GRID2: variants seen among roughly 807,000 people sequenced by gnomAD.
The protein encoded by GRID2 is glutamate receptor ionotropic, delta-2.
GRID2 carries 33 observed loss-of-function variants against 114.8 expected under a neutral mutation model. That is an observed-to-expected ratio of 0.29 (90% CI 0.22 to 0.38). The LOEUF is 0.38. Ranked by LOEUF, GRID2 falls within the 10% of genes least tolerant of loss-of-function variation. The probability of loss-of-function intolerance (pLI) is 1.00; values close to 1 mark genes in which losing one functional copy is unlikely to be tolerated. For synonymous variants in GRID2, 505 were observed against 449.9 expected, an observed-to-expected ratio of 1.12 and a Z score of -1.55; for missense variants, 1,184 against 1,257.7, an observed-to-expected ratio of 0.94 and a Z score of 0.89.
At chr4:93,552,341 C>T (rs886725541) in intron 13 of GRID2, among the ~76,000 whole-genome samples, 2 of 152,260 alleles carry the variant, frequency 1.3e-5, no homozygotes, top group African/African-American at 4.8e-5. Flanking sequence ...AATAAACATA[C>T]ATGTGCCTGT....
chr4:92,933,366 A>G (rs1488231359), intron 2 of GRID2, among the ~76,000 whole-genome samples: 1 of 151,442 alleles, frequency 6.6e-6, no homozygotes, highest in Non-Finnish European at 1.5e-5. Context: ...GTTCCAATCC[A>G]TATTTCTTAT....
intron 13 of GRID2, among the ~76,000 whole-genome samples, chr4:93,578,802 T>C (rs1197535649): frequency 1.3e-5 from 2 of 151,918 alleles, no homozygotes; most frequent in Non-Finnish European, 2.9e-5. Context: ...ACCATGTTAG[T>C]CAGGTTGGTC....
At chr4:93,380,624 A>G (rs1323289329) in intron 8 of GRID2, among the ~76,000 whole-genome samples, 2 of 152,010 alleles carry the variant, frequency 1.3e-5, no homozygotes, top group African/African-American at 4.8e-5. Context: ...TTTAAGATAT[A>G]AAAGAAAGTC....
intron 2 of GRID2, among the ~76,000 whole-genome samples, chr4:92,989,071 A>G (rs1256263610): frequency 1.3e-5 from 2 of 151,972 alleles, no homozygotes; most frequent in Non-Finnish European, 2.9e-5. Context: ...AGGTCCGGAG[A>G]TGGAGACCAT....
intron 2 of GRID2, among the ~76,000 whole-genome samples, chr4:92,609,966 T>C (rs1166395733): frequency 6.6e-6 from 1 of 151,712 alleles, no homozygotes; most frequent in East Asian, 1.9e-4. Context: ...GTTACCATAA[T>C]TTAATAAACT....
intron 8 of GRID2, among the ~76,000 whole-genome samples, chr4:93,322,874 C>A (rs1001398860): frequency 6.6e-6 from 1 of 152,020 alleles, no homozygotes; most frequent in African/African-American, 2.4e-5. Context: ...ATATCTTTTG[C>A]CCACTTTTTA....
chr4:92,924,770 C>T (rs530186331), intron 2 of GRID2, among the ~76,000 whole-genome samples: 1 of 152,220 alleles, frequency 6.6e-6, no homozygotes, highest in South Asian at 2.1e-4. Flanking sequence ...CCTTGTTAGC[C>T]TTTCATTTAA....
chr4:92,810,917 G>C (rs888754815), intron 2 of GRID2, among the ~76,000 whole-genome samples: 8 of 152,044 alleles, frequency 5.3e-5, no homozygotes, highest in Admixed American at 1.3e-4. Context: ...TCAGCCTCCA[G>C]ATTATCTGGG....
chr4:93,448,226 A>ATTTT (rs1309429437), intron 10 of GRID2, among the ~76,000 whole-genome samples: 14 of 151,988 alleles, frequency 9.2e-5, no homozygotes, highest in African/African-American at 2.9e-4. Context: ...TTTTATTTAA[A>ATTTT]ATTTTCAAAA....
intron 12 of GRID2, among the ~76,000 whole-genome samples, chr4:93,502,142 G>A (rs1728175209): frequency 6.6e-6 from 1 of 152,104 alleles, no homozygotes; most frequent in Non-Finnish European, 1.5e-5. Flanking sequence ...CAAGACTGGA[G>A]TTGGCAGCCG....
At chr4:93,153,593 C>A (rs1284142746) in intron 4 of GRID2, among the ~76,000 whole-genome samples, 1 of 152,032 alleles carries the variant, frequency 6.6e-6, no homozygotes, top group Non-Finnish European at 1.5e-5. Flanking sequence ...GTCATATGCT[C>A]ATTCCAGGCC....
At chr4:92,578,360 C>T (rs1728008888) in intron 1 of GRID2, among the ~76,000 whole-genome samples, 1 of 140,708 alleles carries the variant, frequency 7.1e-6, no homozygotes, top group Non-Finnish European at 1.5e-5. Flanking sequence ...TGAGTGAGAA[C>T]ATGAAGTGTT....
At chr4:92,917,866 G>C (rs1668264815) in intron 2 of GRID2, among the ~76,000 whole-genome samples, 1 of 152,232 alleles carries the variant, frequency 6.6e-6, no homozygotes, top group African/African-American at 2.4e-5. Flanking sequence ...CTTTAAAGTA[G>C]TTTTTTTCCA....
At chr4:93,687,155 G>A (rs569540634) in intron 14 of GRID2, among the ~76,000 whole-genome samples, 1 of 152,038 alleles carries the variant, frequency 6.6e-6, no homozygotes, top group African/African-American at 2.4e-5. Flanking sequence ...GAATCTGAGA[G>A]AGAGAGGTTT....
intron 1 of GRID2, among the ~76,000 whole-genome samples, chr4:92,416,270 A>C (rs995393132): frequency 6.6e-5 from 10 of 151,784 alleles, no homozygotes; most frequent in African/African-American, 2.4e-4. Flanking sequence ...TTTCTTGCTG[A>C]TTTGTTTGAG....
intron 2 of GRID2, among the ~76,000 whole-genome samples, chr4:92,794,381 C>A (rs1739749637): frequency 6.6e-6 from 1 of 151,712 alleles, no homozygotes; most frequent in Admixed American, 6.6e-5. Context: ...TGTGTATATA[C>A]ATATATACAT....
intron 2 of GRID2, among the ~76,000 whole-genome samples, chr4:93,051,084 T>G (rs567072839): frequency 9.5e-4 from 144 of 152,164 alleles, no homozygotes; most frequent in South Asian, 7.9e-3. Context: ...AGTTTTAGAC[T>G]GACTGCCTCA....
At chr4:93,505,604 A>G (rs1318395588) in intron 12 of GRID2, among the ~76,000 whole-genome samples, 1 of 148,672 alleles carries the variant, frequency 6.7e-6, no homozygotes, top group Non-Finnish European at 1.5e-5. Flanking sequence ...ATTATAATAT[A>G]TATTTTATTA....
intron 4 of GRID2, among the ~76,000 whole-genome samples, chr4:93,146,936 T>C (rs1230101622): frequency 1.3e-5 from 2 of 152,216 alleles, no homozygotes; most frequent in African/African-American, 2.4e-5. Context: ...TTTACTTCCT[T>C]ATTCTTACAT....
Sources: allele counts gnomAD v4.1 joint callset (sites outside exome capture counted in the v4.1 genomes callset), GRCh38; gene constraint gnomAD v4.1.1; transcripts MANE v1.5; gene names NCBI Gene and HGNC (gene_info 2026-07-23, HGNC 2026-07-21).